Variants in EYS observed in about 807,000 individuals in gnomAD.
The protein encoded by EYS is EGF-like photoreceptor maintenance factor, also known as protein eyes shut homolog.
In EYS, 250 loss-of-function variants were observed where a neutral mutation model predicts 282.1. The observed-to-expected ratio is 0.89, with a 90% CI of 0.80 to 0.98. EYS has a LOEUF of 0.98. Ranked by LOEUF, EYS falls within the 50% of genes least tolerant of loss-of-function variation. The probability of loss-of-function intolerance (pLI) is 0.00; values close to 1 mark genes in which losing one functional copy is unlikely to be tolerated. For missense variants in EYS, 4,016 were observed against 3,709.0 expected, an observed-to-expected ratio of 1.08 and a Z score of -2.15; for synonymous variants, 1,355 against 1,282.9, an observed-to-expected ratio of 1.06 and a Z score of -1.20.
chr6:63,994,914 A>G (rs1436462379), intron 34 of EYS, among the ~76,000 whole-genome samples: 2 of 151,894 alleles, frequency 1.3e-5, no homozygotes. Context: ...TAACACCCAA[A>G]CCATAAAACC....
intron 22 of EYS, among the ~76,000 whole-genome samples, chr6:64,717,266 A>T (rs2149939859): frequency 6.6e-6 from 1 of 152,278 alleles, no homozygotes; most frequent in South Asian, 2.1e-4. Context: ...ATTTGATATG[A>T]GTCTGCAAGC....
intron 26 of EYS, among the ~76,000 whole-genome samples, chr6:64,583,998 C>T (rs1766153237): frequency 6.6e-6 from 1 of 151,974 alleles, no homozygotes; most frequent in African/African-American, 2.4e-5. Flanking sequence ...GATTTCCTGT[C>T]AACTATTATA....
At chr6:65,109,740 A>T (rs1775157798) in intron 12 of EYS, among the ~76,000 whole-genome samples, 1 of 151,972 alleles carries the variant, frequency 6.6e-6, no homozygotes, top group African/African-American at 2.4e-5. Context: ...GACGTAGTCC[A>T]AAGCCCACAG....
At chr6:63,827,520 A>G (rs1326181362) in intron 36 of EYS, among the ~76,000 whole-genome samples, 1 of 152,206 alleles carries the variant, frequency 6.6e-6, no homozygotes, top group Non-Finnish European at 1.5e-5. Flanking sequence ...ATGATAGACA[A>G]TAAAATGAGC....
intron 30 of EYS, among the ~76,000 whole-genome samples, chr6:64,287,825 G>C (rs1768553985): frequency 6.6e-6 from 1 of 152,066 alleles, no homozygotes; most frequent in Non-Finnish European, 1.5e-5. Context: ...AGAACTTTTG[G>C]AGTCTCCATG....
chr6:63,834,090 C>T (rs551386503), intron 36 of EYS, among the ~76,000 whole-genome samples: 1 of 152,248 alleles, frequency 6.6e-6, no homozygotes, highest in East Asian at 1.9e-4. Context: ...AATGTTAGAC[C>T]TAAAGCCATA....
chr6:65,539,874 A>G (rs949446948), intron 2 of EYS, among the ~76,000 whole-genome samples: 1 of 152,182 alleles, frequency 6.6e-6, no homozygotes, highest in African/African-American at 2.4e-5. Context: ...ACCTTCTGTC[A>G]TGCATTTCAT....
chr6:65,279,390 C>T (rs1310113296), intron 12 of EYS, among the ~76,000 whole-genome samples: 1 of 152,074 alleles, frequency 6.6e-6, no homozygotes, highest in Non-Finnish European at 1.5e-5. Flanking sequence ...GCTTTCTACT[C>T]ACCATATCAT....
intron 31 of EYS, among the ~76,000 whole-genome samples, chr6:64,097,912 G>C (rs1366480783): frequency 6.6e-6 from 1 of 152,176 alleles, no homozygotes; most frequent in Non-Finnish European, 1.5e-5. Flanking sequence ...TTTATAAAAA[G>C]TGAAATGTGT....
chr6:65,386,997 G>A lies in EYS; in HGVS notation c.1185-2497C>T, dbSNP rs190192062. Reference sequence around the variant, plus strand: ...TCTGTGAAGATACATGAAAGGGAAGGAAAAAAAATAATGAAAATAAAATAT... The same window carrying A: ...TCTGTGAAGATACATGAAAGGGAAGAAAAAAAAATAATGAAAATAAAATAT... On this transcript the variant is annotated intron_variant, in intron 7 of 42. Transcript: ENST00000503581. 3.3e-3 allele frequency among the ~76,000 whole-genome samples: 494 copies of A among 150,614 alleles called. 4 individuals carry two copies. The highest frequency in any genetic ancestry group is 0.011 in the African/African-American group (445 of 41,080).
At chr6:65,003,458 T>A (rs1242052135) in intron 13 of EYS, among the ~76,000 whole-genome samples, 4 of 147,838 alleles carry the variant, frequency 2.7e-5, no homozygotes, top group African/African-American at 9.7e-5. Flanking sequence ...TAATTTCACC[T>A]CAGTCCTGTG....
At chr6:65,208,810 G>A (rs1766100949) in intron 12 of EYS, among the ~76,000 whole-genome samples, 1 of 150,926 alleles carries the variant, frequency 6.6e-6, no homozygotes, top group South Asian at 2.1e-4. Context: ...GGTTGGAGGG[G>A]ATTGATGCTT....
At chr6:65,005,031 C>T (rs1176383084) in intron 13 of EYS, among the ~76,000 whole-genome samples, 3 of 147,984 alleles carry the variant, frequency 2.0e-5, no homozygotes, top group Non-Finnish European at 4.5e-5. Flanking sequence ...CATGGGAGCT[C>T]TGTTTTCACT....
Position 64,770,868 on chromosome 6 carries a change from C to T in EYS, c.3443+42510G>A, listed in dbSNP as rs894274957. On this transcript the variant is annotated intron_variant, in intron 22 of 42. Transcript: ENST00000503581. ...TTGTAGGTTACTTCCTTCTACAGCA[C>T]AGCAGAAGTTTGTACATTCTTAGAA... Among the ~76,000 whole-genome samples the T allele has an allele frequency of 5.3e-5, 8 of 151,794 alleles. No individual in the cohort carries two copies. In the East Asian group the frequency reaches 7.7e-4, roughly 15 times the overall value.
At chr6:64,144,811 A>G (rs957315849) in intron 31 of EYS, among the ~76,000 whole-genome samples, 1 of 152,134 alleles carries the variant, frequency 6.6e-6, no homozygotes, top group Non-Finnish European at 1.5e-5. Flanking sequence ...GCGCAGAACA[A>G]GAGGGGCTAG....
intron 22 of EYS, among the ~76,000 whole-genome samples, chr6:64,693,233 T>G (rs951555557): frequency 3.3e-5 from 5 of 151,912 alleles, no homozygotes; most frequent in Non-Finnish European, 5.9e-5. Flanking sequence ...TTCATTTTAA[T>G]TCTTCCCAAT....
chr6:64,570,287 A>C (rs1288179647), intron 26 of EYS, among the ~76,000 whole-genome samples: 3 of 152,230 alleles, frequency 2.0e-5, no homozygotes, highest in African/African-American at 7.2e-5. Flanking sequence ...GAGCTCCTGA[A>C]GGAAGCACTA....
chr6:64,934,903 C>T (rs1768854110), intron 15 of EYS, among the ~76,000 whole-genome samples: 1 of 151,654 alleles, frequency 6.6e-6, no homozygotes, highest in African/African-American at 2.4e-5. Context: ...ACTCTTTTCT[C>T]TGTATATGAT....
At chr6:65,232,747 T>C in intron 12 of EYS, among the ~76,000 whole-genome samples, 1 of 152,128 alleles carries the variant, frequency 6.6e-6, no homozygotes, top group East Asian at 1.9e-4. Flanking sequence ...CCAAATTAGG[T>C]CATATTCTAA....
Sources: allele counts gnomAD v4.1 joint callset (sites outside exome capture counted in the v4.1 genomes callset), GRCh38; gene constraint gnomAD v4.1.1; transcripts MANE v1.5; gene names NCBI Gene and HGNC (gene_info 2026-07-23, HGNC 2026-07-21).